Variants in PRKAR2A observed in about 807,000 individuals in gnomAD.
The protein encoded by PRKAR2A is protein kinase cAMP-dependent type II regulatory subunit alpha.
In PRKAR2A, 29 loss-of-function variants were observed where a neutral mutation model predicts 51.9. The observed-to-expected ratio is 0.56, with a 90% CI of 0.42 to 0.76. PRKAR2A has a LOEUF of 0.76. Ranked by LOEUF, PRKAR2A falls within the 30% of genes least tolerant of loss-of-function variation. PRKAR2A has a pLI of 0.00. For synonymous variants in PRKAR2A, 178 were observed against 186.2 expected, an observed-to-expected ratio of 0.96 and a Z score of 0.36; for missense variants, 445 against 512.1, an observed-to-expected ratio of 0.87 and a Z score of 1.26.
chr3:48,779,306 A>C (rs1029664742), intron 5 of PRKAR2A, among the ~76,000 whole-genome samples: 1 of 152,140 alleles, frequency 6.6e-6, no homozygotes, highest in African/African-American at 2.4e-5. Context: ...TTTTGTTTAC[A>C]TATGAAATAA....
At chr3:48,788,395 C>T (rs1194618282) in intron 4 of PRKAR2A, among the ~76,000 whole-genome samples, 3 of 152,048 alleles carry the variant, frequency 2.0e-5, no homozygotes, top group Non-Finnish European at 4.4e-5. Flanking sequence ...AATTTCTGAC[C>T]TCAAATGATC....
At chr3:48,818,817 A>G (rs896462518) in intron 1 of PRKAR2A, among the ~76,000 whole-genome samples, 1 of 152,172 alleles carries the variant, frequency 6.6e-6, no homozygotes, top group Admixed American at 6.6e-5. Context: ...AGTACTACTT[A>G]CCACAAATGA....
chr3:48,826,905 TAAA>T (rs1338572367), intron 1 of PRKAR2A, among the ~76,000 whole-genome samples: 3 of 150,964 alleles, frequency 2.0e-5, no homozygotes, highest in Non-Finnish European at 3.0e-5. Context: ...AAAGTAAACT[TAAA>T]AAAACCTCTC....
At chr3:48,823,862 A>G (rs180951272) in intron 1 of PRKAR2A, among the ~76,000 whole-genome samples, 1 of 152,254 alleles carries the variant, frequency 6.6e-6, no homozygotes, top group Admixed American at 6.5e-5. Context: ...GACCGTAGCA[A>G]AAGGAAATCA....
chr3:48,791,084 C>T (rs1329366654), intron 3 of PRKAR2A, among the ~76,000 whole-genome samples: 8 of 151,088 alleles, frequency 5.3e-5, no homozygotes, highest in Middle Eastern at 3.5e-3. Context: ...GTCAGGAGAT[C>T]GAGACCATCT....
chr3:48,770,572 T>C (rs1192626546), intron 6 of PRKAR2A, among the ~76,000 whole-genome samples: 2 of 152,136 alleles, frequency 1.3e-5, no homozygotes, highest in Admixed American at 6.6e-5. Flanking sequence ...TGGAAGAGTC[T>C]GGGCTTGCAA....
Position 48,746,928 on chromosome 3 carries a change from GATTT to G in PRKAR2A, c.*4653_*4656del, listed in dbSNP as rs1330754098. ...GAGGTAGCACAATAATGCTGAATTA[GATTT>G]ATTTTATTACAGTGAGCTTAAAAAA... On this transcript the variant is annotated 3_prime_UTR_variant, in exon 11 of 11. Transcript: ENST00000265563. 6.6e-6 allele frequency: 1 copy of G among 151,218 alleles called. No individual in the cohort carries two copies. Among genetic ancestry groups the G allele is most frequent in the African/African-American group, 2.4e-5 (1 of 41,156 alleles). 9.4% of individuals were successfully genotyped at this position (151,218 alleles called of 1,614,324 possible). A position where few individuals can be genotyped will look rare whatever the true frequency, so the allele number is the denominator to read the frequency against.
chr3:48,826,774 G>C (rs1041333048), intron 1 of PRKAR2A, among the ~76,000 whole-genome samples: 3 of 151,646 alleles, frequency 2.0e-5, no homozygotes, highest in African/African-American at 7.3e-5. Context: ...AAAGGTTTTA[G>C]ACACATTATG....
In PRKAR2A at chr3:48,847,680, C is replaced by T; in HGVS notation, c.-84G>A. On this transcript the variant is annotated 5_prime_UTR_variant, in exon 1 of 11. Coordinates refer to ENST00000265563, the MANE Select transcript of PRKAR2A (RefSeq NM_004157.4). This position sits in a 1 kb window ranked among gnomAD's most constrained non-coding sequence, Gnocchi z 4.4. ...TCACTCACGCCGGCCTTTCGCTCCG[C>T]GCCCGCGAGGTCTCTTCGCGCACGG... is the stretch of plus-strand genomic sequence containing the variant. The T allele has an allele frequency of 7.6e-7, 1 of 1,320,276 alleles. No homozygotes were observed. Among genetic ancestry groups the T allele is most frequent in the Non-Finnish European group, 9.8e-7 (1 of 1,020,824 alleles). 81.8% of individuals were successfully genotyped at this position (1,320,276 alleles called of 1,614,324 possible).
intron 1 of PRKAR2A, among the ~76,000 whole-genome samples, chr3:48,844,287 A>G (rs2083424980): frequency 6.6e-6 from 1 of 152,014 alleles, no homozygotes; most frequent in Non-Finnish European, 1.5e-5. Context: ...CCACAATGAG[A>G]TACCATCTCA....
intron 4 of PRKAR2A, among the ~76,000 whole-genome samples, chr3:48,788,092 A>G (rs1345734090): frequency 1.3e-5 from 2 of 152,118 alleles, no homozygotes; most frequent in African/African-American, 2.4e-5. Context: ...GTTCAGTGGT[A>G]TGATCTCAGC....
intron 6 of PRKAR2A, among the ~76,000 whole-genome samples, chr3:48,769,091 G>A (rs1200395867): frequency 6.6e-6 from 1 of 151,288 alleles, no homozygotes; most frequent in Non-Finnish European, 1.5e-5. Context: ...CAGAGCAAGA[G>A]TCCATCTCAA....
At chr3:48,810,712 T>C (rs1296152737) in intron 1 of PRKAR2A, among the ~76,000 whole-genome samples, 1 of 152,188 alleles carries the variant, frequency 6.6e-6, no homozygotes, top group Non-Finnish European at 1.5e-5. Flanking sequence ...TATATGTATA[T>C]GTGCATATGT....
Position 48,818,960 on chromosome 3 carries a change from A to T in PRKAR2A, c.263-11276T>A, listed in dbSNP as rs549520191. The stretch of plus-strand genomic sequence containing the variant: ...TATCTTTAAAATACTGCAGTTTCAC[A>T]TTTTTTTTCACAGCTGCTATTCTGC... On this transcript the variant is annotated intron_variant, in intron 1 of 10. Transcript: ENST00000265563. Among the ~76,000 whole-genome samples the T allele has an allele frequency of 2.9e-3, 435 of 150,314 alleles. 4 individuals carry two copies. The highest frequency in any genetic ancestry group is 0.01 in the African/African-American group (410 of 40,994).
intron 1 of PRKAR2A, among the ~76,000 whole-genome samples, chr3:48,841,045 CT>C (rs1250025372): frequency 6.7e-6 from 1 of 150,232 alleles, no homozygotes; most frequent in Non-Finnish European, 1.5e-5. Context: ...CCACACCCAG[CT>C]AATTTTTTTT....
chr3:48,785,823 A>G (rs937878050), intron 4 of PRKAR2A, among the ~76,000 whole-genome samples: 5 of 152,232 alleles, frequency 3.3e-5, no homozygotes, highest in African/African-American at 1.2e-4. Context: ...TTCTCTGTAC[A>G]TAAACTTGCA....
At chr3:48,752,032 C>T in intron 10 of PRKAR2A, 144 bp downstream of exon 10, 1 of 915,602 alleles carries the variant, frequency 1.1e-6, no homozygotes, top group Non-Finnish European at 1.6e-6. Flanking sequence ...CTGAAAGCAT[C>T]CATTCATCCA....
intron 6 of PRKAR2A, among the ~76,000 whole-genome samples, chr3:48,766,926 C>G (rs1041935956): frequency 6.6e-6 from 1 of 152,176 alleles, no homozygotes; most frequent in Non-Finnish European, 1.5e-5. Context: ...GATCTCCCCA[C>G]CTCAGCCTCC....
At chr3:48,785,564 T>C (rs796953652) in intron 4 of PRKAR2A, among the ~76,000 whole-genome samples, 1 of 151,860 alleles carries the variant, frequency 6.6e-6, no homozygotes, top group Non-Finnish European at 1.5e-5. Context: ...CCGGCCTTAA[T>C]TTTTATATTT....
Sources: allele counts gnomAD v4.1 joint callset (sites outside exome capture counted in the v4.1 genomes callset), GRCh38; gene constraint gnomAD v4.1.1; non-coding constraint Gnocchi (gnomAD v3.1); transcripts MANE v1.5; gene names NCBI Gene and HGNC (gene_info 2026-07-23, HGNC 2026-07-21).